Variants in LRRK2 observed in about 807,000 individuals in gnomAD.
LRRK2 encodes leucine-rich repeat serine/threonine-protein kinase 2.
A neutral mutation model predicts 302.6 loss-of-function variants in LRRK2; 203 were observed. That is an observed-to-expected ratio of 0.67 (90% CI 0.60 to 0.75). LRRK2 has a LOEUF of 0.75. LRRK2 is among the 30% of genes least tolerant of loss of function. LRRK2 has a pLI of 0.00. For synonymous variants in LRRK2, 1,066 were observed against 1,031.9 expected (o/e 1.03, Z -0.63); for missense variants, 2,830 against 2,951.0 (o/e 0.96, Z 0.95).
chr12:40,320,463 CTGTG>C (rs1945368571), intron 34 of LRRK2, among the ~76,000 whole-genome samples: 2 of 151,644 alleles, frequency 1.3e-5, no homozygotes, highest in South Asian at 2.1e-4. Context: ...GTGTGTGTGT[CTGTG>C]TTTGTGTATG....
chr12:40,284,277 G>C, intron 19 of LRRK2, 144 bp downstream of exon 19: 1 of 584,606 alleles, frequency 1.7e-6, no homozygotes, highest in Non-Finnish European at 2.7e-6. Flanking sequence ...TTTTTTTTTG[G>C]CTATGAAATA....
chr12:40,235,448 C>G (rs565597693), intron 3 of LRRK2, among the ~76,000 whole-genome samples, 178 bp from the exon 4 acceptor site: 3 of 152,110 alleles, frequency 2.0e-5, no homozygotes, highest in Non-Finnish European at 4.4e-5. Context: ...TGCATTCCAG[C>G]CTGGGTGACA....
At chr12:40,276,732 T>C (rs1943471278) in intron 16 of LRRK2, among the ~76,000 whole-genome samples, 1 of 152,230 alleles carries the variant, frequency 6.6e-6, no homozygotes, top group Non-Finnish European at 1.5e-5. Context: ...CCCTCAGACA[T>C]ACATAAATTA....
chr12:40,342,991 T>C (rs1237420952), intron 41 of LRRK2, among the ~76,000 whole-genome samples: 3 of 152,136 alleles, frequency 2.0e-5, no homozygotes, highest in African/African-American at 7.2e-5. Flanking sequence ...TATTATTATT[T>C]CTAGTCTATA....
intron 6 of LRRK2, among the ~76,000 whole-genome samples, chr12:40,242,893 A>G (rs1398185625): frequency 2.1e-5 from 3 of 143,794 alleles, no homozygotes; most frequent in Non-Finnish European, 4.5e-5. Flanking sequence ...GATGACGATG[A>G]TGATGGTTGT....
At chr12:40,258,064 TA>T (rs1942602182) in intron 12 of LRRK2, among the ~76,000 whole-genome samples, 1 of 152,192 alleles carries the variant, frequency 6.6e-6, no homozygotes, top group South Asian at 2.1e-4. Context: ...GTTTCATCTC[TA>T]AAACTTCACG....
chr12:40,362,715 C>T (rs576675378), intron 47 of LRRK2, among the ~76,000 whole-genome samples: 1 of 152,186 alleles, frequency 6.6e-6, no homozygotes, highest in South Asian at 2.1e-4. Context: ...GTTTGCCATG[C>T]TGATGTGGCC....
chr12:40,280,114 A>G (rs1298484920), intron 18 of LRRK2, among the ~76,000 whole-genome samples: 1 of 152,194 alleles, frequency 6.6e-6, no homozygotes, highest in Non-Finnish European at 1.5e-5. Flanking sequence ...TCAAGGTAAA[A>G]CTCATCAAAT....
intron 40 of LRRK2, among the ~76,000 whole-genome samples, chr12:40,336,341 T>C (rs1945868925): frequency 6.6e-6 from 1 of 152,212 alleles, no homozygotes; most frequent in Non-Finnish European, 1.5e-5. Context: ...CCTTTGTCTC[T>C]CCAGCCCCTA....
At chr12:40,347,300 T>C (rs1946215844) in intron 42 of LRRK2, among the ~76,000 whole-genome samples, 1 of 152,246 alleles carries the variant, frequency 6.6e-6, no homozygotes. Flanking sequence ...GAAGACTGAA[T>C]GATCTATAAT....
intron 30 of LRRK2, among the ~76,000 whole-genome samples, chr12:40,309,472 G>A (rs1166199693): frequency 2.0e-5 from 3 of 151,966 alleles, no homozygotes; most frequent in Admixed American, 6.6e-5. Flanking sequence ...CTTTTATGCT[G>A]TAAAACTTGA....
intron 41 of LRRK2, among the ~76,000 whole-genome samples, chr12:40,342,407 A>G (rs1019292096): frequency 6.6e-6 from 1 of 151,902 alleles, no homozygotes; most frequent in Non-Finnish European, 1.5e-5. Flanking sequence ...GAGACAGATC[A>G]TGTCAGAAAC....
chr12:40,339,411 G>C (rs756167622), intron 40 of LRRK2, among the ~76,000 whole-genome samples: 1 of 152,128 alleles, frequency 6.6e-6, no homozygotes, highest in African/African-American at 2.4e-5. Flanking sequence ...GCTGAGATGC[G>C]GTAAGCTCTT....
In LRRK2 at chr12:40,284,344, G is replaced by C. The variant is rs143840482; in HGVS notation, c.2500+211G>C. 3.2e-3 allele frequency among the ~76,000 whole-genome samples: 476 copies of C among 150,168 alleles called. 5 individuals carry two copies. The highest frequency in any genetic ancestry group is 0.01 in the African/African-American group (420 of 40,954). ...TAGCAAATAGTTATTTATAAAAATA[G>C]AGCAAAATAGTGGAAGCTTTTTGAA... On this transcript the variant is annotated intron_variant, in intron 19 of 50. Coordinates refer to ENST00000298910, the MANE Select transcript of LRRK2 (RefSeq NM_198578.4).
chr12:40,343,735 A>C (rs1230818082), intron 41 of LRRK2, among the ~76,000 whole-genome samples: 3 of 152,198 alleles, frequency 2.0e-5, no homozygotes, highest in Non-Finnish European at 4.4e-5. Flanking sequence ...GGGAAATTAT[A>C]CTTATTTTTT....
chr12:40,363,063 T>C (rs1425847022), intron 47 of LRRK2, among the ~76,000 whole-genome samples: 1 of 152,074 alleles, frequency 6.6e-6, no homozygotes, highest in Non-Finnish European at 1.5e-5. Flanking sequence ...GTTACAGATA[T>C]AATATTTCCT....
At chr12:40,238,322 G>A (rs1380083040) in intron 5 of LRRK2, among the ~76,000 whole-genome samples, 1 of 152,104 alleles carries the variant, frequency 6.6e-6, no homozygotes, top group Non-Finnish European at 1.5e-5. Context: ...CATGCCCCTG[G>A]AGTAGACTTT....
chr12:40,293,894 C>CATATATATATATATATAT lies in LRRK2; in HGVS notation c.2808+232_2808+233insTATATATATATATATATA, dbSNP rs1491426750. Among the ~76,000 whole-genome samples, 236 of 70,558 alleles carry CATATATATATATATATAT rather than the reference C, an allele frequency of 3.3e-3. 4 individuals carry two copies. The highest frequency in any genetic ancestry group is 6.7e-3 in the South Asian group (11 of 1,654). 46.3% of individuals were successfully genotyped at this position (70,558 alleles called of 152,430 possible). A position where few individuals can be genotyped will look rare whatever the true frequency, so the allele number is the denominator to read the frequency against. The stretch of plus-strand genomic sequence containing the variant: ...TATGCAGGGTATGAATTTTTTGGGG[C>CATATATATATATATATAT]ACATATATATATATATATATACTTA... On this transcript the variant is annotated intron_variant, in intron 21 of 50. Coordinates refer to ENST00000298910, the MANE Select transcript of LRRK2 (RefSeq NM_198578.4).
At chr12:40,331,103 G>C (rs1945699939) in intron 39 of LRRK2, among the ~76,000 whole-genome samples, 1 of 151,910 alleles carries the variant, frequency 6.6e-6, no homozygotes. Context: ...GGTTCATCTT[G>C]ATCTTTCTCT....
Sources: gnomAD v4.1 joint callset for allele counts (sites outside exome capture counted in the v4.1 genomes callset) on GRCh38, gnomAD v4.1.1 for gene constraint, MANE v1.5 for transcripts, NCBI Gene and HGNC (gene_info 2026-07-23, HGNC 2026-07-21) for gene names.